Variants in PSTPIP2 observed in about 807,000 individuals in gnomAD.
The protein encoded by PSTPIP2 is proline-serine-threonine phosphatase-interacting protein 2.
Under a neutral mutation model 63.3 loss-of-function variants are expected in PSTPIP2, and 33 were observed. That is an observed-to-expected ratio of 0.52 (90% CI 0.40 to 0.70). PSTPIP2 has a LOEUF of 0.70. Ranked by LOEUF, PSTPIP2 falls within the 30% of genes least tolerant of loss-of-function variation. The probability of loss-of-function intolerance (pLI) is 0.00; values close to 1 mark genes in which losing one functional copy is unlikely to be tolerated. For synonymous variants in PSTPIP2, 125 were observed against 132.7 expected, an observed-to-expected ratio of 0.94 and a Z score of 0.40; for missense variants, 312 against 400.7, an observed-to-expected ratio of 0.78 and a Z score of 1.89.
chr18:46,068,442 C>T (rs985097099), intron 1 of PSTPIP2, among the ~76,000 whole-genome samples: 2 of 152,106 alleles, frequency 1.3e-5, no homozygotes, highest in Admixed American at 6.6e-5. Context: ...GGACTACAGG[C>T]GCCCACCACC....
At position 46,062,906 on chromosome 18, in the gene PSTPIP2, G is replaced by A. The variant is rs538646076; in HGVS notation, c.33+9250C>T. Among the ~76,000 whole-genome samples, 4 of 152,248 alleles carry A rather than the reference G, an allele frequency of 2.6e-5. No homozygotes were observed. The South Asian group carries it at 8.3e-4, about 32-fold the overall frequency. ...TGTTTGCTTCCTTAAGAAGAATGTA[G>A]GACCCTGAGGGCAGGAATCCACCTC... On this transcript the variant is annotated intron_variant, in intron 1 of 14. Coordinates refer to ENST00000409746, the MANE Select transcript of PSTPIP2 (RefSeq NM_024430.4).
intron 14 of PSTPIP2, among the ~76,000 whole-genome samples, chr18:45,986,909 C>T (rs137985342): frequency 0.012 from 1,805 of 152,332 alleles, 34 homozygotes; most frequent in African/African-American, 0.042. Context: ...GCAATCTCAG[C>T]TCACTACAAC....
intron 14 of PSTPIP2, among the ~76,000 whole-genome samples, chr18:45,986,876 C>T (rs2051472694): frequency 6.6e-6 from 1 of 152,140 alleles, no homozygotes; most frequent in Non-Finnish European, 1.5e-5. Context: ...CTTGCTCTGT[C>T]GCCCAGGCTG....
At chr18:46,018,955 G>A (rs1461290516) in intron 3 of PSTPIP2, among the ~76,000 whole-genome samples, 2 of 152,096 alleles carry the variant, frequency 1.3e-5, no homozygotes, top group Admixed American at 6.6e-5. Context: ...TTGTGGATAT[G>A]GAAGACCATG....
chr18:46,033,784 G>A (rs191566951), intron 2 of PSTPIP2, among the ~76,000 whole-genome samples: 1 of 151,832 alleles, frequency 6.6e-6, no homozygotes, highest in Admixed American at 6.6e-5. Context: ...TTACACAGCT[G>A]CAAGCCAGGA....
chr18:46,007,738 A>G (rs2144078413), intron 5 of PSTPIP2, among the ~76,000 whole-genome samples: 1 of 152,318 alleles, frequency 6.6e-6, no homozygotes, highest in Middle Eastern at 3.4e-3. Context: ...AACACCTCTC[A>G]GGTGGCTGCA....
At position 46,072,257 on chromosome 18, in the gene PSTPIP2, C is replaced by T. The variant is rs1909424067; in HGVS notation, c.-69G>A. On this transcript the variant is annotated 5_prime_UTR_variant, in exon 1 of 15. Coordinates refer to ENST00000409746, the MANE Select transcript of PSTPIP2 (RefSeq NM_024430.4). ...GCACAGAGCGGGGAGGCCTGACTGC[C>T]ACTGCCCGCGGCTCCGCAGACTCAA... 4 of 1,502,362 alleles carry T rather than the reference C, an allele frequency of 2.7e-6. No individual in the cohort carries two copies. The highest frequency in any genetic ancestry group is 2.9e-5 in the African/African-American group (2 of 69,348). 93.1% of individuals were successfully genotyped at this position (1,502,362 alleles called of 1,614,324 possible).
chr18:46,039,926 G>A, intron 2 of PSTPIP2, 21 bp downstream of exon 2: 4 of 1,586,130 alleles, frequency 2.5e-6, no homozygotes, highest in Non-Finnish European at 2.6e-6. Context: ...CCTCTTCAGA[G>A]AGGACAGAGC....
intron 6 of PSTPIP2, among the ~76,000 whole-genome samples, chr18:45,999,939 A>C (rs2051645119): frequency 6.6e-6 from 1 of 152,156 alleles, no homozygotes; most frequent in Non-Finnish European, 1.5e-5. Context: ...GAAGTTCAAG[A>C]CAAGCCTGGG....
At position 46,029,216 on chromosome 18, in the gene PSTPIP2, G is replaced by C. The variant is rs9966168; in HGVS notation, c.135-4530C>G. 5.2e-3 allele frequency: 5,553 copies of C among 1,059,736 alleles called. 186 individuals are homozygous for C. In the African/African-American group the frequency reaches 0.075, roughly 14 times the overall value. 65.6% of individuals were successfully genotyped at this position (1,059,736 alleles called of 1,614,324 possible). On this transcript the variant is annotated intron_variant, in intron 2 of 14. Transcript: ENST00000409746. ...ATTAATTCCTGTGCATCAAGTGAGA[G>C]GTTTGAAAGAAGATAGTGAGGAGCT...
rs112183626 is a variant in PSTPIP2, at chr18:45,990,902, T to C, written c.921-146A>G. On this transcript the variant is annotated intron_variant, in intron 12 of 14. Coordinates refer to ENST00000409746, the MANE Select transcript of PSTPIP2 (RefSeq NM_024430.4). ...GAAAGCTCACCTAAAGCAAATGATC[T>C]GTAGCACTGACCTACGGAAATCTAA... 9.7e-4 allele frequency: 583 copies of C among 599,878 alleles called. 7 individuals are homozygous for C. The highest frequency in any genetic ancestry group is 7.6e-3 in the Middle Eastern group (20 of 2,618). The allele number at this position is 599,878 out of a possible 1,614,324, so 37.2% of individuals were successfully genotyped here.
chr18:46,036,736 T>A (rs1218901524), intron 2 of PSTPIP2, among the ~76,000 whole-genome samples: 1 of 152,136 alleles, frequency 6.6e-6, no homozygotes, highest in Non-Finnish European at 1.5e-5. Context: ...GGAGGTAAAA[T>A]GTGGCATGGA....
chr18:45,988,334 C>G (rs530613584), intron 14 of PSTPIP2, among the ~76,000 whole-genome samples: 28 of 150,846 alleles, frequency 1.9e-4, no homozygotes, highest in African/African-American at 6.9e-4. Context: ...ACTCAAGAGG[C>G]TGAGGTGGGA....
intron 2 of PSTPIP2, among the ~76,000 whole-genome samples, chr18:46,031,212 T>C (rs1353118887): frequency 6.6e-6 from 1 of 152,194 alleles, no homozygotes; most frequent in African/African-American, 2.4e-5. Flanking sequence ...GGTTCTTTGT[T>C]GCTTTTGCCT....
chr18:46,043,301 GGATT>G (rs1449972889), intron 1 of PSTPIP2, among the ~76,000 whole-genome samples: 1 of 149,412 alleles, frequency 6.7e-6, no homozygotes, highest in Non-Finnish European at 1.5e-5. Context: ...TAAGGCGGAA[GGATT>G]GATTGAGCCT....
intron 1 of PSTPIP2, chr18:46,040,917 C>T (rs1354959624): frequency 1.4e-5 from 6 of 428,836 alleles, no homozygotes; most frequent in African/African-American, 4.1e-5. Flanking sequence ...AGGAGCTGGG[C>T]GCCCACTCCA....
At chr18:45,998,975 C>T in intron 7 of PSTPIP2, 136 bp from the exon 8 acceptor site, 1 of 853,222 alleles carries the variant, frequency 1.2e-6, no homozygotes, top group South Asian at 1.6e-5. Flanking sequence ...ACATTTCCCT[C>T]ATGAGCAAAT....
chr18:46,072,062 G>A, intron 1 of PSTPIP2, 94 bp downstream of exon 1: 22 of 1,420,480 alleles, frequency 1.5e-5, no homozygotes, highest in Non-Finnish European at 1.9e-5. Flanking sequence ...ACCGAGTGGC[G>A]CCGGAGCTGG....
At chr18:46,059,857 G>A (rs1207693097) in intron 1 of PSTPIP2, among the ~76,000 whole-genome samples, 13 of 151,738 alleles carry the variant, frequency 8.6e-5, no homozygotes, top group Admixed American at 5.9e-4. Context: ...GTGAAACCCC[G>A]TCTCTAATAA....
Sources: gnomAD v4.1 joint callset for allele counts (sites outside exome capture counted in the v4.1 genomes callset) on GRCh38, gnomAD v4.1.1 for gene constraint, MANE v1.5 for transcripts, NCBI Gene and HGNC (gene_info 2026-07-23, HGNC 2026-07-21) for gene names.